The following PIK3R5 variants were observed in gnomAD, a reference collection of about 807,000 sequenced individuals.
PIK3R5 encodes the protein phosphoinositide 3-kinase regulatory subunit 5.
A neutral mutation model predicts 94.9 loss-of-function variants in PIK3R5; 32 were observed. That is an observed-to-expected ratio of 0.34 (90% CI 0.25 to 0.45). The LOEUF (loss-of-function observed/expected upper bound fraction) is 0.45, where lower values mean the gene tolerates loss of function less well. Among genes scored for constraint, PIK3R5 ranks in the 20% least tolerant of loss-of-function variants. PIK3R5 has a pLI of 1.00. For missense variants in PIK3R5, 853 were observed against 1,144.6 expected (o/e 0.75, Z 3.68); for synonymous variants, 443 against 479.4 (o/e 0.92, Z 0.99).
Position 8,909,089 on chromosome 17 carries a change from C to T in PIK3R5, c.189G>A (p.Leu63=), listed in dbSNP as rs932652029. ...GHFLILLEQI[L]QKTREVQEKG... ...TCCCCCTCACCTCTCGGGTCTTCTG[C>T]AGGATCTGCTCAAGGAGGATAAGGA... The change falls in exon 3 of 19, where the codon CTG becomes CTA. Residue 63 remains leucine (L), a synonymous_variant. Transcript: ENST00000447110. This position sits in a 1 kb window ranked among gnomAD's most constrained non-coding sequence, Gnocchi z 4.3. 1 of 1,606,302 alleles carries T rather than the reference C, an allele frequency of 6.2e-7. No homozygotes were observed. Among genetic ancestry groups the T allele is most frequent in the East Asian group, 2.2e-5 (1 of 44,600 alleles).
chr17:8,932,929 A>T (rs2091011964), intron 1 of PIK3R5, among the ~76,000 whole-genome samples: 1 of 152,148 alleles, frequency 6.6e-6, no homozygotes, highest in South Asian at 2.1e-4. Context: ...AGAAAACCAG[A>T]CCTAGGTATA....
chr17:8,898,009 T>C (rs2090191249), intron 5 of PIK3R5, among the ~76,000 whole-genome samples: 1 of 152,140 alleles, frequency 6.6e-6, no homozygotes, highest in African/African-American at 2.4e-5. Flanking sequence ...GCATAGTTGT[T>C]TGGGGCTTTC....
At chr17:8,924,698 T>C (rs1336090708) in intron 1 of PIK3R5, among the ~76,000 whole-genome samples, 1 of 152,180 alleles carries the variant, frequency 6.6e-6, no homozygotes, top group African/African-American at 2.4e-5. Context: ...TGCCCAATTA[T>C]GCAAGAAAAA....
At chr17:8,885,846 C>T in intron 14 of PIK3R5, among the ~76,000 whole-genome samples, 1 of 120,502 alleles carries the variant, frequency 8.3e-6, no homozygotes, top group Admixed American at 8.2e-5. Context: ...CCCAGGGCCC[C>T]GCCTCCTGGG....
At chr17:8,924,181 C>T (rs148608515) in intron 1 of PIK3R5, among the ~76,000 whole-genome samples, 34 of 150,848 alleles carry the variant, frequency 2.3e-4, no homozygotes, top group African/African-American at 7.6e-4. Context: ...TGGGCTCAAG[C>T]GATCCTCCTG....
In PIK3R5 at chr17:8,888,120, C is replaced by T. The variant is rs374434080; in HGVS notation, c.1616+51G>A. ...CCTCAGGCCCCAGATTCCACCAGCA[C>T]AACAACCCTGTTACCCAGGGCAGAG... On this transcript the variant is annotated intron_variant, in intron 10 of 18. Coordinates refer to ENST00000447110, the MANE Select transcript of PIK3R5 (RefSeq NM_001142633.3). This position sits in a 1 kb window ranked among gnomAD's most constrained non-coding sequence, Gnocchi z 7.8. 7.8e-5 allele frequency: 124 copies of T among 1,591,838 alleles called. No homozygotes were observed. The highest frequency in any genetic ancestry group is 5.8e-4 in the East Asian group (26 of 44,750).
chr17:8,946,196 G>GT (rs1275428842), intron 1 of PIK3R5, among the ~76,000 whole-genome samples: 1 of 152,012 alleles, frequency 6.6e-6, no homozygotes, highest in Non-Finnish European at 1.5e-5. Flanking sequence ...ATACACATCT[G>GT]GTGTGACTGC....
Position 8,880,411 on chromosome 17 carries a change from A to C in PIK3R5, c.*228T>G. On this transcript the variant is annotated 3_prime_UTR_variant, in exon 19 of 19. Coordinates refer to ENST00000447110, the MANE Select transcript of PIK3R5 (RefSeq NM_001142633.3). Reference sequence around the variant, plus strand: ...CATCCTTCTCCTTCTACTGCCAGGAATCTAAGAGGCTATGGGGTCTGGCCC... The same window carrying C: ...CATCCTTCTCCTTCTACTGCCAGGACTCTAAGAGGCTATGGGGTCTGGCCC... 1 of 432,900 alleles carries C rather than the reference A, an allele frequency of 2.3e-6. No individual in the cohort carries two copies. The allele number at this position is 432,900 out of a possible 1,614,324, so 26.8% of individuals were successfully genotyped here.
Position 8,890,632 on chromosome 17 carries a change from C to G in PIK3R5, c.657+106G>C. The G allele has an allele frequency of 9.9e-7, 1 of 1,007,856 alleles. No homozygotes were observed. The highest frequency in any genetic ancestry group is 2.6e-5 in the Admixed American group (1 of 38,300). The allele number at this position is 1,007,856 out of a possible 1,614,324, so 62.4% of individuals were successfully genotyped here. On this transcript the variant is annotated intron_variant, in intron 7 of 18. Coordinates refer to ENST00000447110, the MANE Select transcript of PIK3R5 (RefSeq NM_001142633.3). The surrounding 1 kb of genome is among the most constrained non-coding windows in gnomAD (Gnocchi z 6.1). ...ACCACCCTGCCATGTCACCTGGGTG[C>G]AGGAGACTAAGTGTACCCTGGAGAC...
At chr17:8,885,587 T>C (rs1476747467) in intron 14 of PIK3R5, among the ~76,000 whole-genome samples, 4 of 57,936 alleles carry the variant, frequency 6.9e-5, no homozygotes, top group African/African-American at 7.5e-5. Flanking sequence ...CAACCCCGCC[T>C]CCCCATGGCC....
chr17:8,922,913 G>A (rs1289357939), intron 1 of PIK3R5, among the ~76,000 whole-genome samples: 1 of 152,126 alleles, frequency 6.6e-6, no homozygotes, highest in Non-Finnish European at 1.5e-5. Flanking sequence ...AAGAAACACT[G>A]AAGAAGCAGA....
intron 1 of PIK3R5, among the ~76,000 whole-genome samples, chr17:8,918,596 A>C (rs2090673068): frequency 6.6e-6 from 1 of 152,228 alleles, no homozygotes; most frequent in Non-Finnish European, 1.5e-5. Flanking sequence ...GAATGAGAGA[A>C]ATAGAAAATT....
At position 8,955,460 on chromosome 17, in the gene PIK3R5, G is replaced by A. The variant is rs772418285; in HGVS notation, c.-14+10136C>T. Among the ~76,000 whole-genome samples, 8 of 151,802 alleles carry A rather than the reference G, an allele frequency of 5.3e-5. No individual in the cohort carries two copies. The highest frequency in any genetic ancestry group is 1.2e-4 in the African/African-American group (5 of 41,048). On this transcript the variant is annotated intron_variant, in intron 1 of 18. Transcript: ENST00000447110. This position sits in a 1 kb window ranked among gnomAD's most constrained non-coding sequence, Gnocchi z 4.4. ...CGTGATGATTCGTGGAGAAAGGAGT[G>A]GGACTCAACTTCGAAACCTGAACAG... is the stretch of plus-strand genomic sequence containing the variant.
Position 8,890,797 on chromosome 17 carries a change from C to A in PIK3R5, c.598G>T (p.Ala200Ser). The change falls in exon 7 of 19, where the codon GCC becomes TCC. Residue 200 changes from alanine (A) to serine (S), a missense_variant. Physicochemically the swap from Ala to Ser is moderately conservative, Grantham distance 99. Transcript: ENST00000447110. The surrounding 1 kb of genome is among the most constrained non-coding windows in gnomAD (Gnocchi z 6.1). ...TGGGCCCCAAAGGTGGCCTGGAAGGCGTGCAGGAGCAGGGTGGTGTAGGCA... is the reference window on the plus strand; with the variant it reads ...TGGGCCCCAAAGGTGGCCTGGAAGGAGTGCAGGAGCAGGGTGGTGTAGGCA... ...HSAYTTLLLH[A>S]FQATFGAHCD... is the part of the protein sequence containing the mutation. 2 of 1,613,012 alleles carry A rather than the reference C, an allele frequency of 1.2e-6. No homozygotes were observed. The highest frequency in any genetic ancestry group is 1.7e-6 in the Non-Finnish European group (2 of 1,179,630).
chr17:8,943,510 T>C (rs2091222495), intron 1 of PIK3R5, among the ~76,000 whole-genome samples: 1 of 152,054 alleles, frequency 6.6e-6, no homozygotes, highest in African/African-American at 2.4e-5. Flanking sequence ...CGGTGGCTCA[T>C]GCCTGTAATC....
chr17:8,944,297 A>G (rs1413335320), intron 1 of PIK3R5, among the ~76,000 whole-genome samples: 5 of 152,178 alleles, frequency 3.3e-5, no homozygotes, highest in African/African-American at 1.2e-4. Context: ...CATGGTGTAT[A>G]TGTACCACAT....
chr17:8,960,058 C>T (rs931201969), intron 1 of PIK3R5, among the ~76,000 whole-genome samples: 11 of 152,164 alleles, frequency 7.2e-5, no homozygotes, highest in East Asian at 1.9e-4. Flanking sequence ...CCTTGGAATA[C>T]GGGGAGGGGT....
intron 1 of PIK3R5, among the ~76,000 whole-genome samples, chr17:8,919,196 G>A (rs1017368751): frequency 6.6e-6 from 1 of 152,218 alleles, no homozygotes; most frequent in African/African-American, 2.4e-5. Flanking sequence ...GAGGTCTGTC[G>A]TTTAGTTAAT....
chr17:8,925,508 T>G lies in PIK3R5; in HGVS notation c.-13-14001A>C, dbSNP rs1420638093. 2.0e-5 allele frequency among the ~76,000 whole-genome samples: 3 copies of G among 151,106 alleles called. No homozygotes were observed. Among genetic ancestry groups the G allele is most frequent in the Non-Finnish European group, 4.4e-5 (3 of 67,966 alleles). On this transcript the variant is annotated intron_variant, in intron 1 of 18. Transcript: ENST00000447110. This position sits in a 1 kb window ranked among gnomAD's most constrained non-coding sequence, Gnocchi z 5.1. ...GATGGATAGATAGTAGATGGATAGA[T>G]AGTAGATGGATAGATAGATAGATAG... is the stretch of plus-strand genomic sequence containing the variant.
Sources: gnomAD v4.1 joint callset for allele counts (sites outside exome capture counted in the v4.1 genomes callset) on GRCh38, gnomAD v4.1.1 for gene constraint, Gnocchi (gnomAD v3.1) non-coding constraint, MANE v1.5 for transcripts, NCBI Gene and HGNC (gene_info 2026-07-23, HGNC 2026-07-21) for gene names.